Variants in VPS13A observed in about 807,000 individuals in gnomAD.
The protein encoded by VPS13A is vacuolar protein sorting 13 homolog A.
Under a neutral mutation model 390.9 loss-of-function variants are expected in VPS13A, and 264 were observed. The ratio of observed to expected loss-of-function variants is 0.68; its 90% CI spans 0.61 to 0.75. The LOEUF (loss-of-function observed/expected upper bound fraction) is 0.75, where lower values mean the gene tolerates loss of function less well. Among genes scored for constraint, VPS13A ranks in the 30% least tolerant of loss-of-function variants. The pLI is 0.00. For synonymous variants in VPS13A, 1,231 were observed against 1,227.1 expected, an observed-to-expected ratio of 1.00 and a Z score of -0.07; for missense variants, 3,409 against 3,733.9, an observed-to-expected ratio of 0.91 and a Z score of 2.27.
intron 67 of VPS13A, among the ~76,000 whole-genome samples, chr9:77,380,573 G>A (rs1379938223): frequency 1.3e-5 from 2 of 152,244 alleles, no homozygotes; most frequent in East Asian, 1.9e-4. Context: ...GGCTCCCAAA[G>A]TGCTGGGATT....
chr9:77,207,242 TATATATATATAA>T (rs1180484794), intron 5 of VPS13A, among the ~76,000 whole-genome samples: 2 of 110,804 alleles, frequency 1.8e-5, no homozygotes, highest in Non-Finnish European at 3.9e-5. Context: ...TATATATATA[TATATATATATAA>T]AACGTGTTAT....
intron 13 of VPS13A, among the ~76,000 whole-genome samples, chr9:77,223,030 C>A (rs2131185215): frequency 6.6e-6 from 1 of 152,214 alleles, no homozygotes; most frequent in South Asian, 2.1e-4. Context: ...TGTCAGTTTC[C>A]TTTTTCTGTC....
At chr9:77,318,682 G>C (rs1047550507) in intron 41 of VPS13A, 91 bp downstream of exon 41, 3 of 1,251,422 alleles carry the variant, frequency 2.4e-6, no homozygotes, top group Admixed American at 3.6e-5. Context: ...ATGGAATCTT[G>C]TGTAGCTATT....
chr9:77,308,058 C>T lies in VPS13A; in HGVS notation c.4074C>T (p.Ala1358=). 6.2e-7 allele frequency: 1 copy of T among 1,613,888 alleles called. No homozygotes were observed. ...SPAVTKDQYS[A]TSGVTTNASH... is the part of the protein sequence containing the mutation. Reference sequence around the variant, plus strand: ...CTGTAACAAAAGACCAATACAGTGCCACTAGTGGAGTTACTACTAATGCTT... The same window carrying T: ...CTGTAACAAAAGACCAATACAGTGCTACTAGTGGAGTTACTACTAATGCTT... The change falls in exon 35 of 72, where the codon GCC becomes GCT. Residue 1358 remains alanine, a synonymous_variant. Coordinates refer to ENST00000360280, the MANE Select transcript of VPS13A (RefSeq NM_033305.3).
intron 3 of VPS13A, among the ~76,000 whole-genome samples, chr9:77,203,024 A>G (rs979269123): frequency 6.6e-6 from 1 of 152,202 alleles, no homozygotes; most frequent in Non-Finnish European, 1.5e-5. Flanking sequence ...AAAGTAATAC[A>G]TGTTTCCAAA....
At chr9:77,302,763 T>TAA in intron 33 of VPS13A, 152 bp from the exon 34 acceptor site, 2 of 789,892 alleles carry the variant, frequency 2.5e-6, no homozygotes, top group Non-Finnish European at 3.9e-6. Flanking sequence ...TTTTGACAGA[T>TAA]AAAAAAAAAG....
chr9:77,319,431 G>A (rs1401304871), intron 41 of VPS13A, 141 bp from the exon 42 acceptor site: 4 of 662,758 alleles, frequency 6.0e-6, no homozygotes, highest in South Asian at 1.6e-5. Context: ...AGCCAGGTGA[G>A]GAAAATGCTG....
intron 23 of VPS13A, among the ~76,000 whole-genome samples, chr9:77,261,125 T>A (rs2131296040): frequency 6.6e-6 from 1 of 152,132 alleles, no homozygotes; most frequent in African/African-American, 2.4e-5. Context: ...GGTCTTGAAC[T>A]CCTGACCTTG....
Position 77,416,221 on chromosome 9 carries a change from A to G in VPS13A, c.*215A>G, listed in dbSNP as rs949497985. 1 of 504,820 alleles carries G rather than the reference A, an allele frequency of 2.0e-6. No homozygotes were observed. The highest frequency in any genetic ancestry group is 5.2e-4 in the Middle Eastern group (1 of 1,914). 31.3% of individuals were successfully genotyped at this position (504,820 alleles called of 1,614,324 possible). ...ATTAAAATATTTTAATTCTTCAGCA[A>G]TTACCCGGTTTTCTAAATTGAATCA... On this transcript the variant is annotated 3_prime_UTR_variant, in exon 72 of 72. Transcript: ENST00000360280.
rs1056122983 is a variant in VPS13A, at chr9:77,252,350, C to T, written c.2286C>T (p.Pro762=). The T allele has an allele frequency of 1.2e-6, 2 of 1,605,954 alleles. No individual in the cohort carries two copies. The highest frequency in any genetic ancestry group is 3.3e-5 in the Admixed American group (2 of 59,992). ...KAMVFMDVRM[P]KFKIYGKLPL... ...TGGTTTTCATGGATGTAAGGATGCCCAAGTATGTACTGTTTGTTTCATGTG... is the reference window on the plus strand; with the variant it reads ...TGGTTTTCATGGATGTAAGGATGCCTAAGTATGTACTGTTTGTTTCATGTG... Residue 762 remains proline (P), a splice_region_variant and synonymous_variant, in exon 22 of 72, where the codon CCC becomes CCT. Coordinates refer to ENST00000360280, the MANE Select transcript of VPS13A (RefSeq NM_033305.3).
At chr9:77,214,275 C>CA in intron 9 of VPS13A, 54 bp from the exon 10 acceptor site, 3 of 1,528,560 alleles carry the variant, frequency 2.0e-6, no homozygotes, top group Non-Finnish European at 1.8e-6. Context: ...GACTCCATCT[C>CA]AAAAAAAGAC....
chr9:77,319,658 G>A lies in VPS13A; in HGVS notation c.5400G>A (p.Trp1800Ter). The A allele has an allele frequency of 6.3e-7, 1 of 1,594,230 alleles. No individual in the cohort carries two copies. The highest frequency in any genetic ancestry group is 1.3e-5 in the African/African-American group (1 of 74,484). The change falls in exon 42 of 72, where the codon TGG becomes TGA. Residue 1800 changes from tryptophan (W) to a stop codon, truncating the protein, a stop_gained. Coordinates refer to ENST00000360280, the MANE Select transcript of VPS13A (RefSeq NM_033305.3). LOFTEE classifies it high-confidence loss of function. ...ATCAGACTGAGGATTTTAGACCATG[G>A]AATCTTGGTATCAAGGTATATCTAT... Reference protein sequence around the residue: ...EIDQTEDFRPWNLGIKMKKKA... With the variant: ...EIDQTEDFRP
chr9:77,288,226 T>G (rs1372965049), intron 31 of VPS13A, among the ~76,000 whole-genome samples: 3 of 152,226 alleles, frequency 2.0e-5, no homozygotes, highest in Non-Finnish European at 4.4e-5. Context: ...TGTATCGATT[T>G]TATTGATACT....
intron 17 of VPS13A, among the ~76,000 whole-genome samples, chr9:77,232,360 C>A (rs1229098105): frequency 6.6e-6 from 1 of 152,046 alleles, no homozygotes; most frequent in African/African-American, 2.4e-5. Flanking sequence ...GGTAGTATTG[C>A]CATAATAACA....
At chr9:77,314,405 C>A in intron 36 of VPS13A, 90 bp from the exon 37 acceptor site, 2 of 1,326,960 alleles carry the variant, frequency 1.5e-6, no homozygotes, top group Non-Finnish European at 2.1e-6. Context: ...TTGTTATAAG[C>A]AGAGGCAATA....
intron 34 of VPS13A, among the ~76,000 whole-genome samples, chr9:77,306,937 GTC>G (rs1353371948): frequency 6.9e-6 from 1 of 145,890 alleles, no homozygotes; most frequent in African/African-American, 2.5e-5. Context: ...TTGAGACAGA[GTC>G]TCTGTTGCCC....
chr9:77,210,636 G>A lies in VPS13A; in HGVS notation c.516G>A (p.Pro172=), dbSNP rs141109675. ...TTTAGATCACAAATCGGGACAAACCGCTGTCATTTGGTATTTCCCTTCAAA... is the reference window on the plus strand; with the variant it reads ...TTTAGATCACAAATCGGGACAAACCACTGTCATTTGGTATTTCCCTTCAAA... ...YEDDITNRDK[P]LSFGISLQNL... The change falls in exon 7 of 72, where the codon CCG becomes CCA. Residue 172 remains proline, a synonymous_variant. Coordinates refer to ENST00000360280, the MANE Select transcript of VPS13A (RefSeq NM_033305.3). 490 of 1,613,652 alleles carry A rather than the reference G, an allele frequency of 3.0e-4. No individual in the cohort carries two copies. Among genetic ancestry groups the A allele is most frequent in the Non-Finnish European group, 3.8e-4 (449 of 1,179,942 alleles).
At chr9:77,330,853 C>A (rs1427873646) in intron 45 of VPS13A, among the ~76,000 whole-genome samples, 3 of 151,692 alleles carry the variant, frequency 2.0e-5, no homozygotes, top group East Asian at 3.9e-4. Context: ...CTCCTTCCTT[C>A]TTCCTTGAGG....
intron 52 of VPS13A, among the ~76,000 whole-genome samples, chr9:77,350,424 G>A (rs1431778411): frequency 6.6e-6 from 1 of 152,044 alleles, no homozygotes; most frequent in Non-Finnish European, 1.5e-5. Flanking sequence ...ATGTTGTTCT[G>A]AGTTCATCTC....
Sources: allele counts gnomAD v4.1 joint callset (sites outside exome capture counted in the v4.1 genomes callset), GRCh38; gene constraint gnomAD v4.1.1; transcripts MANE v1.5; gene names NCBI Gene and HGNC (gene_info 2026-07-23, HGNC 2026-07-21).